Variants in SMARCA2 observed in about 807,000 individuals in gnomAD.
SMARCA2 encodes the protein SWI/SNF related BAF chromatin remodeling complex subunit ATPase 2, also known as SWI/SNF-related matrix-associated actin-dependent regulator of chromatin subfamily A member 2.
Under a neutral mutation model 199.8 loss-of-function variants are expected in SMARCA2, and 61 were observed. The observed-to-expected ratio is 0.31, with a 90% CI of 0.25 to 0.38. SMARCA2 has a LOEUF of 0.38. SMARCA2 is among the 10% of genes least tolerant of loss of function. The probability of loss-of-function intolerance (pLI) is 1.00; values close to 1 mark genes in which losing one functional copy is unlikely to be tolerated. For synonymous variants in SMARCA2, 935 were observed against 732.0 expected (o/e 1.28, Z -4.48); for missense variants, 1,344 against 2,012.2 (o/e 0.67, Z 6.35).
chr9:2,095,167 C>G (rs528125841), intron 19 of SMARCA2, among the ~76,000 whole-genome samples: 2 of 151,418 alleles, frequency 1.3e-5, no homozygotes, highest in Non-Finnish European at 2.9e-5. Flanking sequence ...CTCACTGCAA[C>G]CTCCGCCTCC....
chr9:2,168,981 C>T (rs182472330), intron 28 of SMARCA2, among the ~76,000 whole-genome samples: 99 of 151,842 alleles, frequency 6.5e-4, no homozygotes, highest in East Asian at 1.7e-3. Context: ...GTTTTCCTCC[C>T]GTCACTCGTG....
chr9:2,069,520 C>G (rs951674409), intron 9 of SMARCA2, among the ~76,000 whole-genome samples: 9 of 151,272 alleles, frequency 5.9e-5, no homozygotes, highest in African/African-American at 1.2e-4. Flanking sequence ...GATCGGGCCA[C>G]CGCACTCCAG....
Position 2,097,374 on chromosome 9 carries a change from C to T in SMARCA2, c.2992-11C>T. ...AATTAATTCTATTTTTCCCTTTCCA[C>T]TGGTTCTTAGGGGAAAGGAGGTGCT... On this transcript the variant is annotated splice_polypyrimidine_tract_variant and intron_variant, in intron 20 of 33. Coordinates refer to ENST00000349721, the MANE Select transcript of SMARCA2 (RefSeq NM_003070.5). 1 of 1,571,414 alleles carries T rather than the reference C, an allele frequency of 6.4e-7. No individual in the cohort carries two copies.
intron 9 of SMARCA2, among the ~76,000 whole-genome samples, chr9:2,068,589 T>C (rs910615139): frequency 6.6e-6 from 1 of 152,238 alleles, no homozygotes; most frequent in African/African-American, 2.4e-5. Flanking sequence ...ACGTATTATA[T>C]AATCAATATC....
chr9:2,166,907 C>T (rs896907037), intron 28 of SMARCA2, among the ~76,000 whole-genome samples: 18 of 152,122 alleles, frequency 1.2e-4, no homozygotes, highest in African/African-American at 2.9e-4. Context: ...GAAACCCTGC[C>T]GAAAAAGTGA....
chr9:2,111,491 CA>C (rs148112929), intron 24 of SMARCA2, among the ~76,000 whole-genome samples: 17,618 of 87,012 alleles, frequency 0.2, 1,645 homozygotes, highest in East Asian at 0.45. Context: ...GACCGTGTCT[CA>C]AAAAAAAAAA....
At chr9:2,019,368 T>G (rs1167684019) in intron 1 of SMARCA2, among the ~76,000 whole-genome samples, 1 of 152,160 alleles carries the variant, frequency 6.6e-6, no homozygotes, top group Non-Finnish European at 1.5e-5. Context: ...ACAGAAAATA[T>G]TCACCACAAG....
intron 1 of SMARCA2, among the ~76,000 whole-genome samples, chr9:2,028,485 C>G (rs1818925604): frequency 2.0e-5 from 3 of 152,148 alleles, no homozygotes; most frequent in African/African-American, 7.2e-5. Flanking sequence ...CTCTTTCATT[C>G]TCAAATTAGA....
chr9:2,034,999 A>C (rs1819260201), intron 3 of SMARCA2, among the ~76,000 whole-genome samples: 1 of 150,226 alleles, frequency 6.7e-6, no homozygotes, highest in South Asian at 2.1e-4. Flanking sequence ...TCATGGAGCT[A>C]ATATAAGCCT....
At chr9:2,035,696 G>T (rs966972956) in intron 3 of SMARCA2, among the ~76,000 whole-genome samples, 2 of 152,088 alleles carry the variant, frequency 1.3e-5, no homozygotes, top group African/African-American at 2.4e-5. Context: ...AGTTTAAAAT[G>T]ATCTCAACTT....
rs1358026297 is a variant in SMARCA2, at chr9:2,016,110, C to T, written c.-37+706C>T. The T allele has an allele frequency of 1.3e-5, 2 of 152,338 alleles. No individual in the cohort carries two copies. The highest frequency in any genetic ancestry group is 1.9e-4 in the East Asian group (1 of 5,190). 9.4% of individuals were successfully genotyped at this position (152,338 alleles called of 1,614,324 possible). A position where few individuals can be genotyped will look rare whatever the true frequency, so the allele number is the denominator to read the frequency against. Reference sequence around the variant, plus strand: ...GCAGCGGGAGAAGCCTGAGCTGACGCGCGAAGGAGGTAGCGGCCACTGCCG... The same window carrying T: ...GCAGCGGGAGAAGCCTGAGCTGACGTGCGAAGGAGGTAGCGGCCACTGCCG... On this transcript the variant is annotated intron_variant, in intron 1 of 33. Coordinates refer to ENST00000349721, the MANE Select transcript of SMARCA2 (RefSeq NM_003070.5). This position sits in a 1 kb window ranked among gnomAD's most constrained non-coding sequence, Gnocchi z 5.6.
rs749504067 is a variant in SMARCA2, at chr9:2,058,369, C to G, written c.1426C>G (p.Leu476Val). 8 of 1,614,010 alleles carry G rather than the reference C, an allele frequency of 5.0e-6. No individual in the cohort carries two copies. The Admixed American group carries it at 1.2e-4, about 24-fold the overall frequency. Reference sequence around the variant, plus strand: ...GTCTGTGGCCGGAAAGATCCAGAAGCTCTCCAAAGCAGTGGCAACTTGGCA... The same window carrying G: ...GTCTGTGGCCGGAAAGATCCAGAAGGTCTCCAAAGCAGTGGCAACTTGGCA... ...HRSVAGKIQK[L>V]SKAVATWHAN... The change falls in exon 8 of 34, where the codon CTC becomes GTC. Residue 476 changes from leucine (L) to valine (V), a missense_variant. This residue lies in a region of SMARCA2 where 155 missense variants were observed against 260.0 expected (regional missense o/e 0.60). Transcript: ENST00000349721.
In SMARCA2 at chr9:2,052,239, C is replaced by T. The variant is rs181927678; in HGVS notation, c.1047-2358C>T. ...CTGTAATCCCAGCACTTCGGGAGGC[C>T]GATGCCTGCGGATCACCTGAGGTCA... On this transcript the variant is annotated intron_variant, in intron 5 of 33. Coordinates refer to ENST00000349721, the MANE Select transcript of SMARCA2 (RefSeq NM_003070.5). Among the ~76,000 whole-genome samples the T allele has an allele frequency of 3.8e-3, 575 of 152,326 alleles. 7 individuals carry two copies. The highest frequency in any genetic ancestry group is 0.013 in the African/African-American group (554 of 41,558).
chr9:2,022,319 A>G lies in SMARCA2; in HGVS notation c.-36-6668A>G, dbSNP rs537896097. Among the ~76,000 whole-genome samples, 4 of 152,338 alleles carry G rather than the reference A, an allele frequency of 2.6e-5. No homozygotes were observed. In the South Asian group the frequency reaches 8.3e-4, roughly 32 times the overall value. On this transcript the variant is annotated intron_variant, in intron 1 of 33. Coordinates refer to ENST00000349721, the MANE Select transcript of SMARCA2 (RefSeq NM_003070.5). ...CTCACAAGGTGTCTTCATATCTCAT[A>G]TTTTATTTGATTCGTATCAAAATTG...
At position 2,056,248 on chromosome 9, in the gene SMARCA2, T is replaced by C. The variant is rs866240999; in HGVS notation, c.1174-424T>C. Among the ~76,000 whole-genome samples the C allele has an allele frequency of 5.3e-5, 8 of 152,358 alleles. No homozygotes were observed. The highest frequency in any genetic ancestry group is 6.8e-3 in the Middle Eastern group (2 of 294). On this transcript the variant is annotated intron_variant, in intron 6 of 33. Transcript: ENST00000349721. The surrounding 1 kb of genome is among the most constrained non-coding windows in gnomAD (Gnocchi z 4.0). ...GCTACCACACGTGAAAGTAATTCTT[T>C]TATTCTTTTTTTGGAGCATCATTAA...
chr9:2,029,339 CAAG>C, intron 2 of SMARCA2, 92 bp downstream of exon 2: 1 of 1,500,396 alleles, frequency 6.7e-7, no homozygotes, highest in Non-Finnish European at 9.0e-7. Flanking sequence ...CTGTTGTTAA[CAAG>C]AAAATCATGC....
intron 5 of SMARCA2, 153 bp downstream of exon 5, chr9:2,047,637 G>C: frequency 1.1e-6 from 1 of 938,428 alleles, no homozygotes; most frequent in African/African-American, 1.7e-5. Flanking sequence ...GGCCTTCCCG[G>C]TGCTGAGGGG....
chr9:2,102,445 GA>G (rs1418605283), intron 22 of SMARCA2, among the ~76,000 whole-genome samples: 1 of 152,172 alleles, frequency 6.6e-6, no homozygotes, highest in Non-Finnish European at 1.5e-5. Flanking sequence ...ACATACGTTT[GA>G]AAATGTGTCT....
At chr9:2,175,427 AAAG>A (rs1393019779) in intron 29 of SMARCA2, among the ~76,000 whole-genome samples, 11 of 152,122 alleles carry the variant, frequency 7.2e-5, no homozygotes, top group African/African-American at 2.7e-4. Context: ...TAGAAACTGA[AAAG>A]AAGATTCTGA....
Sources: allele counts gnomAD v4.1 joint callset (sites outside exome capture counted in the v4.1 genomes callset), GRCh38; gene constraint gnomAD v4.1.1; regional missense constraint gnomAD v4.1.1; non-coding constraint Gnocchi (gnomAD v3.1); transcripts MANE v1.5; gene names NCBI Gene and HGNC (gene_info 2026-07-23, HGNC 2026-07-21).